KPNA3: variants seen among roughly 807,000 people sequenced by gnomAD.
KPNA3 encodes importin subunit alpha-4.
Under a neutral mutation model 73.8 loss-of-function variants are expected in KPNA3, and 13 were observed. The observed-to-expected ratio is 0.18, with a 90% confidence interval of 0.11 to 0.28. The LOEUF is 0.28. Ranked by LOEUF, KPNA3 falls within the 10% of genes least tolerant of loss-of-function variation. The pLI is 1.00. For synonymous variants in KPNA3, 186 were observed against 206.9 expected, an observed-to-expected ratio of 0.90 and a Z score of 0.87; for missense variants, 360 against 618.1, an observed-to-expected ratio of 0.58 and a Z score of 4.43.
intron 2 of KPNA3, among the ~76,000 whole-genome samples, chr13:49,743,713 A>G (rs1017895497): frequency 3.3e-5 from 5 of 152,154 alleles, no homozygotes; most frequent in Non-Finnish European, 7.4e-5. Context: ...TCAAGTAACC[A>G]AATATAATAT....
intron 7 of KPNA3, among the ~76,000 whole-genome samples, chr13:49,723,950 C>T (rs1954384886): frequency 6.6e-6 from 1 of 152,008 alleles, no homozygotes; most frequent in Admixed American, 6.5e-5. Flanking sequence ...TCCTCTGCCA[C>T]ACATTCCCCA....
At chr13:49,722,219 T>A in intron 8 of KPNA3, 95 bp from the exon 9 acceptor site, 1 of 878,844 alleles carries the variant, frequency 1.1e-6, no homozygotes, top group Non-Finnish European at 1.7e-6. Context: ...ACTGACGTTC[T>A]ATGTTTCCTC....
intron 1 of KPNA3, among the ~76,000 whole-genome samples, chr13:49,785,651 T>C (rs1247898665): frequency 6.6e-6 from 1 of 151,952 alleles, no homozygotes; most frequent in Non-Finnish European, 1.5e-5. Context: ...TCCCAAGCCA[T>C]GCCTACTACA....
At chr13:49,763,979 A>C (rs767223312) in intron 1 of KPNA3, among the ~76,000 whole-genome samples, 1 of 150,486 alleles carries the variant, frequency 6.6e-6, no homozygotes, top group Non-Finnish European at 1.5e-5. Context: ...AGATGGAAGG[A>C]TCGCCTGAGC....
At chr13:49,782,691 C>G (rs1049198898) in intron 1 of KPNA3, among the ~76,000 whole-genome samples, 1 of 151,964 alleles carries the variant, frequency 6.6e-6, no homozygotes, top group Non-Finnish European at 1.5e-5. Flanking sequence ...CCAGCTTGGA[C>G]AACACGGCGA....
intron 1 of KPNA3, among the ~76,000 whole-genome samples, chr13:49,749,110 C>A (rs1211591413): frequency 6.6e-6 from 1 of 152,214 alleles, no homozygotes; most frequent in Non-Finnish European, 1.5e-5. Flanking sequence ...AAGATCCAGG[C>A]AGCATATCTG....
At chr13:49,775,508 C>T (rs1359375067) in intron 1 of KPNA3, among the ~76,000 whole-genome samples, 2 of 152,164 alleles carry the variant, frequency 1.3e-5, no homozygotes, top group Non-Finnish European at 2.9e-5. Context: ...TGGCTGTACA[C>T]TGTCACAAAC....
At chr13:49,773,388 AAATT>A (rs1954870820) in intron 1 of KPNA3, among the ~76,000 whole-genome samples, 1 of 152,210 alleles carries the variant, frequency 6.6e-6, no homozygotes. Context: ...AGAAGTACTT[AAATT>A]ATTTGAAGTC....
intron 15 of KPNA3, among the ~76,000 whole-genome samples, chr13:49,705,359 C>CA (rs34997868): frequency 0.017 from 2,000 of 117,128 alleles, 30 homozygotes; most frequent in African/African-American, 0.056. Context: ...ATTCTGTCTC[C>CA]AAAAAAAAAA....
chr13:49,761,867 G>A (rs1405045008), intron 1 of KPNA3, among the ~76,000 whole-genome samples: 1 of 151,436 alleles, frequency 6.6e-6, no homozygotes, highest in Non-Finnish European at 1.5e-5. Flanking sequence ...TCTGGGATGT[G>A]AGGAGCGCCT....
At chr13:49,734,922 C>T (rs1317962460) in intron 2 of KPNA3, among the ~76,000 whole-genome samples, 3 of 126,078 alleles carry the variant, frequency 2.4e-5, no homozygotes, top group African/African-American at 7.9e-5. Flanking sequence ...TATACACACA[C>T]ATATATATAT....
At chr13:49,725,383 AC>A in intron 7 of KPNA3, 32 bp downstream of exon 7, 1 of 1,328,212 alleles carries the variant, frequency 7.5e-7, no homozygotes. Context: ...TCATTAAAAC[AC>A]AAAAAGTTCA....
chr13:49,777,991 C>T (rs1237748437), intron 1 of KPNA3, among the ~76,000 whole-genome samples: 3 of 152,156 alleles, frequency 2.0e-5, no homozygotes, highest in Admixed American at 6.5e-5. Context: ...ACATAATCCA[C>T]ATTAACCCAT....
At chr13:49,791,355 G>C (rs1334601653) in intron 1 of KPNA3, among the ~76,000 whole-genome samples, 1 of 152,162 alleles carries the variant, frequency 6.6e-6, no homozygotes, top group African/African-American at 2.4e-5. Flanking sequence ...CAAATCCAAA[G>C]GTCACGGTCC....
chr13:49,752,857 T>A (rs1954675311), intron 1 of KPNA3, among the ~76,000 whole-genome samples: 1 of 151,232 alleles, frequency 6.6e-6, no homozygotes, highest in Non-Finnish European at 1.5e-5. Context: ...TGAAACCCCA[T>A]CTCTACTAAA....
At chr13:49,743,027 G>C (rs1043617459) in intron 2 of KPNA3, among the ~76,000 whole-genome samples, 2 of 152,132 alleles carry the variant, frequency 1.3e-5, no homozygotes, top group African/African-American at 4.8e-5. Context: ...AGACTTAGGA[G>C]TTATTTGGGA....
chr13:49,737,018 T>C (rs1365102887), intron 2 of KPNA3, among the ~76,000 whole-genome samples: 1 of 152,218 alleles, frequency 6.6e-6, no homozygotes, highest in Non-Finnish European at 1.5e-5. Context: ...AATTGTTGCT[T>C]ATATAATTGT....
At chr13:49,770,716 C>T (rs577065881) in intron 1 of KPNA3, among the ~76,000 whole-genome samples, 1 of 150,480 alleles carries the variant, frequency 6.6e-6, no homozygotes, top group South Asian at 2.1e-4. Context: ...TGTAAGGCTC[C>T]AGTATTCTCT....
chr13:49,757,665 T>C (rs1482695156), intron 1 of KPNA3, among the ~76,000 whole-genome samples: 1 of 151,674 alleles, frequency 6.6e-6, no homozygotes, highest in African/African-American at 2.4e-5. Flanking sequence ...CATTGGACAT[T>C]TATATGAGAT....
Sources: gnomAD v4.1 joint callset for allele counts (sites outside exome capture counted in the v4.1 genomes callset) on GRCh38, gnomAD v4.1.1 for gene constraint, MANE v1.5 for transcripts, NCBI Gene and HGNC (gene_info 2026-07-23, HGNC 2026-07-21) for gene names.